The following TCF12 variants were observed in gnomAD, a reference collection of about 807,000 sequenced individuals.
TCF12 encodes the protein DNA-binding protein HTF4.
Under a neutral mutation model 86.0 loss-of-function variants are expected in TCF12, and 45 were observed. The ratio of observed to expected loss-of-function variants is 0.52; its 90% CI spans 0.41 to 0.67. The LOEUF is 0.67. TCF12 is among the 30% of genes least tolerant of loss of function. The probability of loss-of-function intolerance (pLI) is 0.00; values close to 1 mark genes in which losing one functional copy is unlikely to be tolerated. For synonymous variants in TCF12, 330 were observed against 299.6 expected (o/e 1.10, Z -1.05); for missense variants, 881 against 859.9 (o/e 1.02, Z -0.31).
intron 3 of TCF12, among the ~76,000 whole-genome samples, chr15:56,921,302 C>T (rs1296378749): frequency 6.6e-6 from 1 of 151,970 alleles, no homozygotes; most frequent in African/African-American, 2.4e-5. Context: ...GTTTCGTTTA[C>T]AATTATTTAA....
At chr15:57,020,766 ATGTG>A (rs1379348383) in intron 3 of TCF12, among the ~76,000 whole-genome samples, 2 of 150,960 alleles carry the variant, frequency 1.3e-5, no homozygotes, top group African/African-American at 4.8e-5. Context: ...TTTTGGGACT[ATGTG>A]TAGGTGTAAC....
intron 8 of TCF12, among the ~76,000 whole-genome samples, chr15:57,226,858 A>G (rs1417188558): frequency 3.9e-5 from 6 of 152,198 alleles, no homozygotes; most frequent in African/African-American, 1.4e-4. Flanking sequence ...ATAAAATTTA[A>G]AATTCAGTTT....
At chr15:57,113,192 T>C (rs907424190) in intron 5 of TCF12, among the ~76,000 whole-genome samples, 2 of 152,318 alleles carry the variant, frequency 1.3e-5, no homozygotes, top group East Asian at 1.9e-4. Context: ...AGAGCTAATA[T>C]TCACTTTCAC....
At chr15:57,165,508 G>A (rs1596978514) in intron 5 of TCF12, among the ~76,000 whole-genome samples, 1 of 151,824 alleles carries the variant, frequency 6.6e-6, no homozygotes, top group African/African-American at 2.4e-5. Context: ...TTATCCAGAG[G>A]TGTGGTTTGA....
intron 5 of TCF12, among the ~76,000 whole-genome samples, chr15:57,132,397 A>G (rs2052195083): frequency 6.6e-6 from 1 of 152,206 alleles, no homozygotes. Context: ...GATTTTCTAT[A>G]TGTTGTTTTT....
At chr15:57,063,329 A>G (rs1245275205) in intron 3 of TCF12, among the ~76,000 whole-genome samples, 1 of 152,202 alleles carries the variant, frequency 6.6e-6, no homozygotes, top group Non-Finnish European at 1.5e-5. Context: ...ACTTTATTAA[A>G]TTGAATGATT....
chr15:56,969,925 A>G (rs2140719497), intron 3 of TCF12, among the ~76,000 whole-genome samples: 1 of 152,350 alleles, frequency 6.6e-6, no homozygotes, highest in Non-Finnish European at 1.5e-5. Context: ...GAGAAGGCAT[A>G]TCCAGACATA....
intron 3 of TCF12, among the ~76,000 whole-genome samples, chr15:57,025,333 C>G (rs1373076004): frequency 6.6e-6 from 1 of 152,142 alleles, no homozygotes; most frequent in African/African-American, 2.4e-5. Flanking sequence ...CCTGCCTCAG[C>G]CTTGCAAAAG....
chr15:56,989,839 G>A (rs2063355859), intron 3 of TCF12, among the ~76,000 whole-genome samples: 1 of 152,190 alleles, frequency 6.6e-6, no homozygotes, highest in Non-Finnish European at 1.5e-5. Flanking sequence ...ATACTGTGTA[G>A]GAGGTGTTGG....
chr15:57,274,188 G>A, intron 19 of TCF12, among the ~76,000 whole-genome samples: 1 of 151,014 alleles, frequency 6.6e-6, no homozygotes, highest in South Asian at 2.1e-4. Context: ...AAAGAATAGG[G>A]TGGGCAGATG....
intron 5 of TCF12, among the ~76,000 whole-genome samples, chr15:57,146,274 T>C (rs139625980): frequency 5.2e-4 from 79 of 152,304 alleles, no homozygotes; most frequent in African/African-American, 1.8e-3. Flanking sequence ...ATGTAACTGA[T>C]AGTAGCAAGG....
chr15:57,144,262 G>A (rs1224913880), intron 5 of TCF12, among the ~76,000 whole-genome samples: 1 of 152,140 alleles, frequency 6.6e-6, no homozygotes, highest in Non-Finnish European at 1.5e-5. Flanking sequence ...GAAAGAAAGG[G>A]ATAGATACGA....
intron 15 of TCF12, among the ~76,000 whole-genome samples, chr15:57,252,746 A>G (rs541453271): frequency 6.6e-6 from 1 of 152,304 alleles, no homozygotes; most frequent in East Asian, 1.9e-4. Context: ...GCATGTGTGT[A>G]TCCACAGACA....
At chr15:57,006,355 A>C (rs12906936) in intron 3 of TCF12, among the ~76,000 whole-genome samples, 58,781 of 151,808 alleles carry the variant, frequency 0.39, 14,170 homozygotes, top group Non-Finnish European at 0.53. Flanking sequence ...CCCAGGCTGG[A>C]GTCCAGTGGT....
At chr15:57,016,129 C>T (rs554899573) in intron 3 of TCF12, among the ~76,000 whole-genome samples, 50 of 152,196 alleles carry the variant, frequency 3.3e-4, no homozygotes, top group African/African-American at 9.4e-4. Context: ...TGGAGTCATC[C>T]GGTTAGGATA....
At chr15:57,122,309 C>A (rs746696785) in intron 5 of TCF12, among the ~76,000 whole-genome samples, 2 of 151,820 alleles carry the variant, frequency 1.3e-5, no homozygotes, top group Non-Finnish European at 2.9e-5. Flanking sequence ...GTTTGATTTC[C>A]TGAAACATAA....
At chr15:57,060,836 C>T (rs2703580) in intron 3 of TCF12, among the ~76,000 whole-genome samples, 84,111 of 151,950 alleles carry the variant, frequency 0.55, 23,647 homozygotes, top group Admixed American at 0.61. Context: ...CTTGGTCTTA[C>T]GGCTGAAGCT....
chr15:56,982,675 G>A (rs1290702960), intron 3 of TCF12, among the ~76,000 whole-genome samples: 2 of 152,128 alleles, frequency 1.3e-5, no homozygotes, highest in Admixed American at 6.5e-5. Flanking sequence ...AATCTTTCAA[G>A]GAGGAAGAAT....
chr15:56,925,311 C>A (rs1041848127), intron 3 of TCF12, among the ~76,000 whole-genome samples: 6 of 122,016 alleles, frequency 4.9e-5, no homozygotes, highest in African/African-American at 1.6e-4. Flanking sequence ...TTGATTAGAT[C>A]ACAACATTTT....
Sources: allele counts gnomAD v4.1 joint callset (sites outside exome capture counted in the v4.1 genomes callset), GRCh38; gene constraint gnomAD v4.1.1; transcripts MANE v1.5; gene names NCBI Gene and HGNC (gene_info 2026-07-23, HGNC 2026-07-21).